DENND2B: variants seen among roughly 807,000 people sequenced by gnomAD.
The protein encoded by DENND2B is DENN domain containing 2B.
A neutral mutation model predicts 116.0 loss-of-function variants in DENND2B; 32 were observed. The observed-to-expected ratio is 0.28, with a 90% CI of 0.21 to 0.37. The LOEUF (loss-of-function observed/expected upper bound fraction) is 0.37, where lower values mean the gene tolerates loss of function less well. Among genes scored for constraint, DENND2B ranks in the 10% least tolerant of loss-of-function variants. DENND2B has a pLI of 1.00. For missense variants in DENND2B, 1,276 were observed against 1,477.7 expected (o/e 0.86, Z 2.24); for synonymous variants, 588 against 583.9 (o/e 1.01, Z -0.10).
Position 8,866,908 on chromosome 11 carries a change from CA to C in DENND2B, c.-250+4045del, listed in dbSNP as rs778140423. On this transcript the variant is annotated intron_variant, in intron 2 of 6. Coordinates refer to the DENND2B transcript ENST00000524757. The stretch of plus-strand genomic sequence containing the variant: ...ACCCCATTCAGTAAGGCAAGCTCTC[CA>C]AGGTGTGAGAGGCTCTTAAAGGTAA... 2.5e-4 allele frequency among the ~76,000 whole-genome samples: 38 copies of C among 152,240 alleles called. 1 individual carries two copies. The highest frequency in any genetic ancestry group is 4.4e-4 in the Non-Finnish European group (30 of 68,014).
At chr11:8,880,345 C>CTG (rs56051922) in intron 2 of DENND2B, among the ~76,000 whole-genome samples, 6,137 of 120,508 alleles carry the variant, frequency 0.051, 296 homozygotes, top group African/African-American at 0.13. Context: ...TCACTTTGAA[C>CTG]TGTGTGTGTG....
chr11:8,909,357 C>G (rs1160861931), intron 1 of DENND2B, among the ~76,000 whole-genome samples: 1 of 151,754 alleles, frequency 6.6e-6, no homozygotes, highest in African/African-American at 2.4e-5. Context: ...GGGTGATACC[C>G]TCGTTTCTTT....
chr11:8,872,856 T>C (rs1594324299), upstream of DENND2B, among the ~76,000 whole-genome samples: 1 of 152,356 alleles, frequency 6.6e-6, no homozygotes, highest in South Asian at 2.1e-4. Flanking sequence ...AGAACAGTTT[T>C]ACTTTAATCA....
intron 1 of DENND2B, among the ~76,000 whole-genome samples, chr11:8,772,128 T>TACACACACACACACACACACACAC (rs143227157): frequency 1.4e-5 from 2 of 147,160 alleles, no homozygotes; most frequent in African/African-American, 5.0e-5. Context: ...ATGGAAGCTC[T>TACACACACACACACACACACACAC]ACACACACAC....
At chr11:8,847,532 T>C (rs897615107) in intron 3 of DENND2B, among the ~76,000 whole-genome samples, 1 of 152,044 alleles carries the variant, frequency 6.6e-6, no homozygotes, top group Non-Finnish European at 1.5e-5. Flanking sequence ...AGAATGAATA[T>C]ATAGGAAAAG....
rs181300302 is a variant in DENND2B at position 8,826,601 on chromosome 11, G to A, written c.-115+12709C>T. The stretch of plus-strand genomic sequence containing the variant: ...GAAGAGCAGTGGCCATTCAACATCC[G>A]GTTCTTATCCTAGGAACATGGAAGG... On this transcript the variant is annotated intron_variant, in intron 4 of 6. Transcript: ENST00000524757. Among the ~76,000 whole-genome samples, 264 of 152,166 alleles carry A rather than the reference G, an allele frequency of 1.7e-3. 1 individual carries two copies. The highest frequency in any genetic ancestry group is 6.1e-3 in the African/African-American group (254 of 41,518).
intron 2 of DENND2B, among the ~76,000 whole-genome samples, chr11:8,743,500 A>T (rs1157531696): frequency 6.6e-6 from 1 of 151,854 alleles, no homozygotes; most frequent in Non-Finnish European, 1.5e-5. Context: ...CAGTGAGCCG[A>T]GATCACACCA....
chr11:8,718,965 G>A, intron 4 of DENND2B: 3 of 987,712 alleles, frequency 3.0e-6, no homozygotes, highest in Non-Finnish European at 3.6e-6. Flanking sequence ...TCAGAACACA[G>A]CCCTCTCTGC....
chr11:8,739,512 T>TA (rs2049805928), intron 2 of DENND2B, among the ~76,000 whole-genome samples: 2 of 152,376 alleles, frequency 1.3e-5, no homozygotes, highest in African/African-American at 4.8e-5. Context: ...AAATAATTTT[T>TA]AAAAGTAAAT....
At chr11:8,896,520 G>C (rs1416288085) in intron 1 of DENND2B, among the ~76,000 whole-genome samples, 1 of 152,174 alleles carries the variant, frequency 6.6e-6, no homozygotes, top group Non-Finnish European at 1.5e-5. Flanking sequence ...CTGGCAAATC[G>C]TTTAACATAA....
chr11:8,878,035 C>T (rs144447189), intron 2 of DENND2B, among the ~76,000 whole-genome samples: 376 of 152,302 alleles, frequency 2.5e-3, no homozygotes, highest in Non-Finnish European at 4.1e-3. Context: ...AGGGTTGGAA[C>T]TGAACCTTCA....
chr11:8,774,179 C>T, intron 1 of DENND2B: 1 of 985,502 alleles, frequency 1.0e-6, no homozygotes, highest in Non-Finnish European at 1.2e-6. Flanking sequence ...AGTCAGCCTT[C>T]ACGTTGGGTT....
At chr11:8,766,307 A>C (rs2055772460) in intron 1 of DENND2B, among the ~76,000 whole-genome samples, 1 of 152,058 alleles carries the variant, frequency 6.6e-6, no homozygotes, top group Non-Finnish European at 1.5e-5. Context: ...CTCTGCCTGA[A>C]CAGAAGTGCC....
chr11:8,722,316 C>T (rs2046328518), intron 4 of DENND2B, among the ~76,000 whole-genome samples: 2 of 152,204 alleles, frequency 1.3e-5, no homozygotes, highest in Admixed American at 1.3e-4. Context: ...ACAGACAGGA[C>T]TCCAGTCCAA....
intron 3 of DENND2B, among the ~76,000 whole-genome samples, chr11:8,850,096 C>T (rs969832202): frequency 6.6e-6 from 1 of 152,134 alleles, no homozygotes; most frequent in Admixed American, 6.5e-5. Flanking sequence ...GATCGTGCCA[C>T]CTCACTCTGG....
At chr11:8,727,001 T>C (rs906214468) in intron 3 of DENND2B, among the ~76,000 whole-genome samples, 5 of 152,182 alleles carry the variant, frequency 3.3e-5, no homozygotes, top group African/African-American at 9.7e-5. Context: ...CTCTCTACTG[T>C]ATAATTTCAA....
rs1443869552 is a variant in DENND2B at position 8,730,535 on chromosome 11, G to A, written c.755C>T (p.Ser252Phe). ...EEGEALPVRD[S>F]FYRLEKRLGR... ...CAGCCGTTTCTCCAGCCGGTAGAAAGAGTCCCGGACAGGGAGCGCCTCTCC... is the reference window on the plus strand; with the variant it reads ...CAGCCGTTTCTCCAGCCGGTAGAAAAAGTCCCGGACAGGGAGCGCCTCTCC... The change falls in exon 3 of 20, where the codon TCT becomes TTT. Residue 252 changes from serine to phenylalanine, a missense_variant. Physicochemically the swap from Ser to Phe is radical, Grantham distance 155. This residue lies in a region of DENND2B where 856 missense variants were observed against 846.6 expected (regional missense o/e 1.01). Transcript: ENST00000313726. This position sits in a 1 kb window ranked among gnomAD's most constrained non-coding sequence, Gnocchi z 4.1. 6.2e-7 allele frequency: 1 copy of A among 1,613,198 alleles called. No individual in the cohort carries two copies. Among genetic ancestry groups the A allele is most frequent in the Admixed American group, 1.7e-5 (1 of 60,038 alleles).
chr11:8,720,395 G>C (rs1359156955), intron 4 of DENND2B, among the ~76,000 whole-genome samples: 1 of 152,172 alleles, frequency 6.6e-6, no homozygotes, highest in Non-Finnish European at 1.5e-5. Context: ...GTACAAGCCT[G>C]GTGCACATCA....
intron 3 of DENND2B, among the ~76,000 whole-genome samples, chr11:8,856,978 C>A (rs900715289): frequency 1.3e-5 from 2 of 152,064 alleles, no homozygotes; most frequent in African/African-American, 4.8e-5. Context: ...GTCTAGAACT[C>A]CTGGGCTCAA....
Sources: allele counts gnomAD v4.1 joint callset (sites outside exome capture counted in the v4.1 genomes callset), GRCh38; gene constraint gnomAD v4.1.1; regional missense constraint gnomAD v4.1.1; non-coding constraint Gnocchi (gnomAD v3.1); transcripts MANE v1.5; gene names NCBI Gene and HGNC (gene_info 2026-07-23, HGNC 2026-07-21).